PCDHA5: variants seen among roughly 807,000 people sequenced by gnomAD.
PCDHA5 encodes protocadherin alpha 5, also known as protocadherin alpha-5.
In PCDHA5, 43 loss-of-function variants were observed where a neutral mutation model predicts 61.6. The observed-to-expected ratio is 0.70, with a 90% CI of 0.55 to 0.90. The LOEUF is 0.90. PCDHA5 is among the 40% of genes least tolerant of loss of function. The pLI, the probability that PCDHA5 is intolerant of heterozygous loss-of-function variation, is 0.00. For synonymous variants in PCDHA5, 627 were observed against 543.9 expected, an observed-to-expected ratio of 1.15 and a Z score of -2.13; for missense variants, 1,298 against 1,222.7, an observed-to-expected ratio of 1.06 and a Z score of -0.92.
At chr5:140,840,784 A>G (rs1776867902) in intron 1 of PCDHA5, among the ~76,000 whole-genome samples, 1 of 152,094 alleles carries the variant, frequency 6.6e-6, no homozygotes, top group East Asian at 1.9e-4. Context: ...TTAGAATTAT[A>G]TGCTCACCTC....
chr5:140,921,057 C>G (rs2079994477), intron 1 of PCDHA5, among the ~76,000 whole-genome samples: 1 of 151,924 alleles, frequency 6.6e-6, no homozygotes, highest in African/African-American at 2.4e-5. Flanking sequence ...ATAGCTCACT[C>G]TAACCTTGAA....
At position 140,824,095 on chromosome 5, in the gene PCDHA5, A is replaced by G. The variant is rs2150132128; in HGVS notation, c.2320A>G (p.Ser774Gly). The G allele has an allele frequency of 6.2e-7, 1 of 1,614,170 alleles. No individual in the cohort carries two copies. Among genetic ancestry groups the G allele is most frequent in the Non-Finnish European group, 8.5e-7 (1 of 1,180,014 alleles). The change falls in exon 1 of 4, where the codon AGC becomes GGC. Residue 774 changes from serine (S) to glycine (G), a missense_variant. Transcript: ENST00000529859. Reference protein sequence around the residue: ...PKTDLMAFSPSLPQGPTSTDN... With the variant: ...PKTDLMAFSPGLPQGPTSTDN... ...AACAGACCTCATGGCCTTCAGTCCA[A>G]GCCTTCCTCAGGGTCCCACCTCTAC...
intron 1 of PCDHA5, among the ~76,000 whole-genome samples, chr5:140,839,079 C>T (rs1224426346): frequency 1.3e-5 from 2 of 151,864 alleles, no homozygotes; most frequent in African/African-American, 2.4e-5. Context: ...AGTCAAAAAC[C>T]TGTCTGATAA....
intron 1 of PCDHA5, chr5:140,855,929 A>T (rs914508327): frequency 1.6e-6 from 2 of 1,278,216 alleles, no homozygotes; most frequent in Non-Finnish European, 2.2e-6. Context: ...AAGTAGCGTC[A>T]TTCTGAGATC....
chr5:140,896,465 C>T (rs967658819), intron 1 of PCDHA5, among the ~76,000 whole-genome samples: 8 of 151,988 alleles, frequency 5.3e-5, no homozygotes, highest in South Asian at 4.1e-4. Context: ...TGGGTTCAAG[C>T]GGTTCTCCTG....
chr5:140,910,528 T>A (rs2153515102), intron 1 of PCDHA5, among the ~76,000 whole-genome samples: 1 of 152,314 alleles, frequency 6.6e-6, no homozygotes, highest in African/African-American at 2.4e-5. Flanking sequence ...GGTACTCCCC[T>A]CACAAATCTA....
At chr5:140,987,995 C>T (rs1554249784) in intron 3 of PCDHA5, among the ~76,000 whole-genome samples, 3 of 152,178 alleles carry the variant, frequency 2.0e-5, no homozygotes, top group African/African-American at 7.2e-5. Flanking sequence ...CATCTCTGAT[C>T]CTTCCCCAGA....
Position 140,823,597 on chromosome 5 carries a change from T to C in PCDHA5, c.1822T>C (p.Tyr608His). ...TTCGGGCTACAACGCTTGGCTTTCGTATGAGCTGCAGCCAGCGCCTGGCAG... is the reference window on the plus strand; with the variant it reads ...TTCGGGCTACAACGCTTGGCTTTCGCATGAGCTGCAGCCAGCGCCTGGCAG... Reference protein sequence around the residue: ...PDSGYNAWLSYELQPAPGSAR... With the variant: ...PDSGYNAWLSHELQPAPGSAR... Residue 608 changes from tyrosine to histidine, a missense_variant, in exon 1 of 4, where the codon TAT (tyrosine) becomes CAT (histidine). Coordinates refer to ENST00000529859, the MANE Select transcript of PCDHA5 (RefSeq NM_018908.3). 1 of 1,614,008 alleles carries C rather than the reference T, an allele frequency of 6.2e-7. No individual in the cohort carries two copies. Among genetic ancestry groups the C allele is most frequent in the East Asian group, 2.2e-5 (1 of 44,864 alleles).
At chr5:140,970,597 TA>T (rs2096419556) in intron 1 of PCDHA5, among the ~76,000 whole-genome samples, 4 of 152,198 alleles carry the variant, frequency 2.6e-5, no homozygotes, top group Non-Finnish European at 5.9e-5. Context: ...TGCTTTGTGA[TA>T]CTTAAAACTT....
At chr5:140,941,290 T>A (rs1403658442) in intron 1 of PCDHA5, among the ~76,000 whole-genome samples, 1 of 69,836 alleles carries the variant, frequency 1.4e-5, no homozygotes, top group Non-Finnish European at 3.3e-5. Flanking sequence ...TCCTTTCTCT[T>A]TCTTTCTTTC....
intron 1 of PCDHA5, among the ~76,000 whole-genome samples, chr5:140,961,885 C>G (rs2095640261): frequency 6.7e-6 from 1 of 149,548 alleles, no homozygotes. Context: ...TTACTTACAT[C>G]AGTTTTTTTT....
intron 1 of PCDHA5, among the ~76,000 whole-genome samples, chr5:140,891,762 G>C (rs554912268): frequency 1.5e-3 from 234 of 152,268 alleles, no homozygotes; most frequent in African/African-American, 4.9e-3. Context: ...GTTGGGAGGT[G>C]GGGAATTTCA....
intron 1 of PCDHA5, among the ~76,000 whole-genome samples, chr5:140,833,724 C>T (rs1420470141): frequency 9.3e-5 from 14 of 149,846 alleles, no homozygotes; most frequent in Non-Finnish European, 1.8e-4. Flanking sequence ...TGGATAGTTG[C>T]TAATGTTTCT....
At chr5:140,968,256 A>G (rs782309414) in intron 1 of PCDHA5, 2 of 1,614,006 alleles carry the variant, frequency 1.2e-6, no homozygotes, top group East Asian at 4.5e-5. Flanking sequence ...ACAGACCCAG[A>G]TGAAAAGGAG....
At chr5:140,836,589 A>G in intron 1 of PCDHA5, 2 of 1,613,682 alleles carry the variant, frequency 1.2e-6, no homozygotes. Context: ...TAGTTTGGTA[A>G]AGCCCACTCT....
At chr5:140,866,752 C>G (rs928654608) in intron 1 of PCDHA5, 1 of 152,140 alleles carries the variant, frequency 6.6e-6, no homozygotes, top group Non-Finnish European at 1.5e-5. Context: ...ATATGACTAA[C>G]AGGACATACA....
rs57893927 is a variant in PCDHA5 at position 140,946,631 on chromosome 5, T to TATATATATATATATATATATATATATAC, written c.2353-32317_2353-32316insTATATATATATATATATATATATATACA. On this transcript the variant is annotated intron_variant, in intron 1 of 3. Transcript: ENST00000529859. ...TGTGAAATATATATATATATATATA[T>TATATATATATATATATATATATATATAC]ACAATGGAATACTCATCAGCCATTA... Among the ~76,000 whole-genome samples the TATATATATATATATATATATATATATAC allele has an allele frequency of 2.1e-3, 277 of 131,730 alleles. 14 individuals carry two copies. Among genetic ancestry groups the TATATATATATATATATATATATATATAC allele is most frequent in the African/African-American group, 7.7e-3 (221 of 28,616 alleles). The allele number at this position is 131,730 out of a possible 152,430, so 86.4% of individuals were successfully genotyped here.
At chr5:140,832,000 T>C (rs1771797790) in intron 1 of PCDHA5, among the ~76,000 whole-genome samples, 1 of 152,228 alleles carries the variant, frequency 6.6e-6, no homozygotes. Flanking sequence ...TTCCATATTG[T>C]TTTCATTTTA....
intron 1 of PCDHA5, among the ~76,000 whole-genome samples, chr5:140,909,888 C>A (rs1391505487): frequency 6.6e-6 from 1 of 152,172 alleles, no homozygotes; most frequent in Admixed American, 6.5e-5. Flanking sequence ...AGACACTGTT[C>A]AGTAGTCCCT....
Sources: allele counts gnomAD v4.1 joint callset (sites outside exome capture counted in the v4.1 genomes callset), GRCh38; gene constraint gnomAD v4.1.1; transcripts MANE v1.5; gene names NCBI Gene and HGNC (gene_info 2026-07-23, HGNC 2026-07-21).